ZYG11A: variants seen among roughly 807,000 people sequenced by gnomAD.
ZYG11A encodes protein zyg-11 homolog A.
Under a neutral mutation model 77.2 loss-of-function variants are expected in ZYG11A, and 62 were observed. The ratio of observed to expected loss-of-function variants is 0.80; its 90% CI spans 0.65 to 0.99. The LOEUF (loss-of-function observed/expected upper bound fraction) is 0.99. Ranked by LOEUF, ZYG11A falls within the 50% of genes least tolerant of loss-of-function variation. The probability of loss-of-function intolerance (pLI) is 0.00; values close to 1 mark genes in which losing one functional copy is unlikely to be tolerated. For missense variants in ZYG11A, 828 were observed against 896.8 expected (o/e 0.92, Z 0.98); for synonymous variants, 315 against 324.6 (o/e 0.97, Z 0.32).
intron 8 of ZYG11A, among the ~76,000 whole-genome samples, chr1:52,869,805 T>C (rs1646107224): frequency 6.7e-6 from 1 of 148,182 alleles, no homozygotes; most frequent in South Asian, 2.2e-4. Context: ...GGCTCCTCAC[T>C]TCCCAGTAGG....
intron 5 of ZYG11A, among the ~76,000 whole-genome samples, chr1:52,865,608 A>C (rs776934322): frequency 6.6e-6 from 1 of 152,222 alleles, no homozygotes; most frequent in Non-Finnish European, 1.5e-5. Context: ...TAATAAATCT[A>C]TTTAGGGAAA....
In ZYG11A at chr1:52,892,934, A is replaced by C. The variant is rs534688897; in HGVS notation, c.2257A>C (p.Thr753Pro). The C allele has an allele frequency of 7.7e-5, 119 of 1,551,732 alleles. No individual in the cohort carries two copies. In the African/African-American group the frequency reaches 1.3e-3, roughly 17 times the overall value. ...RMHFMNYQRP[T>P]LCQMPF ...GCATTTCATGAATTATCAGAGGCCCACTCTGTGTCAAATGCCCTTCTGAAC... is the reference window on the plus strand; with the variant it reads ...GCATTTCATGAATTATCAGAGGCCCCCTCTGTGTCAAATGCCCTTCTGAAC... Residue 753 changes from threonine to proline, a missense_variant, in exon 14 of 14, where the codon ACT (threonine) becomes CCT (proline). Physicochemically the swap from Thr to Pro is conservative, Grantham distance 38. Transcript: ENST00000371528.
chr1:52,845,431 G>T (rs932917888), intron 1 of ZYG11A, among the ~76,000 whole-genome samples: 1 of 151,080 alleles, frequency 6.6e-6, no homozygotes, highest in Non-Finnish European at 1.5e-5. Context: ...TCAGCCTCCT[G>T]AGTAGCTGGG....
At chr1:52,864,592 T>C (rs1165337005) in intron 5 of ZYG11A, among the ~76,000 whole-genome samples, 1 of 152,176 alleles carries the variant, frequency 6.6e-6, no homozygotes, top group East Asian at 1.9e-4. Flanking sequence ...AGAGAATAGA[T>C]AAAAGAGTGT....
Position 52,854,599 on chromosome 1 carries a change from C to T in ZYG11A, c.225C>T (p.Ala75=), listed in dbSNP as rs1474354592. The T allele has an allele frequency of 1.9e-6, 3 of 1,545,924 alleles. No individual in the cohort carries two copies. The highest frequency in any genetic ancestry group is 1.7e-4 in the Middle Eastern group (1 of 5,994). The change falls in exon 2 of 14, where the codon GCC becomes GCT. Residue 75 remains alanine (A), a synonymous_variant. Transcript: ENST00000371528. ...ATTGGAGTTTCCCTCAGGAAGTAGC[C>T]GAGCGATTTCTCAGGGTGATGACTT... ...PEHWSFPQEV[A]ERFLRVMTWQ... is the part of the protein sequence containing the mutation.
At position 52,867,579 on chromosome 1, in the gene ZYG11A, C is replaced by T; in HGVS notation, c.1432C>T (p.His478Tyr). The T allele has an allele frequency of 6.4e-7, 1 of 1,552,222 alleles. No individual in the cohort carries two copies. Among genetic ancestry groups the T allele is most frequent in the Non-Finnish European group, 8.7e-7 (1 of 1,147,058 alleles). The change falls in exon 7 of 14, where the codon CAT becomes TAT. Residue 478 changes from histidine (H) to tyrosine (Y), a missense_variant. His to Tyr is a moderately conservative substitution (Grantham distance 83, BLOSUM62 2). Coordinates refer to ENST00000371528, the MANE Select transcript of ZYG11A (RefSeq NM_001004339.3). ...AKFVMRWLCK[H>Y]ENPKMQTMAV... ...GTTTGTCATGAGATGGCTCTGTAAG[C>T]ATGAAAACCCCAAGATGCAAACAAT... is the stretch of plus-strand genomic sequence containing the variant.
intron 2 of ZYG11A, among the ~76,000 whole-genome samples, chr1:52,856,633 C>G (rs1645818095): frequency 6.6e-6 from 1 of 151,990 alleles, no homozygotes; most frequent in Non-Finnish European, 1.5e-5. Context: ...CTGTACTTAT[C>G]TACCTATTTT....
At chr1:52,846,350 A>C (rs1202100425) in intron 1 of ZYG11A, among the ~76,000 whole-genome samples, 10 of 104,550 alleles carry the variant, frequency 9.6e-5, no homozygotes, top group African/African-American at 4.4e-4. Flanking sequence ...ATATATATAT[A>C]TATATATATA....
At chr1:52,877,899 C>A (rs1646290199) in intron 9 of ZYG11A, 26 bp from the exon 10 acceptor site, 3 of 1,551,396 alleles carry the variant, frequency 1.9e-6, no homozygotes, top group Non-Finnish European at 2.6e-6. Flanking sequence ...GATAAAGTAA[C>A]CTGTATGTAT....
In ZYG11A at chr1:52,866,546, T is replaced by C; in HGVS notation, c.1370T>C (p.Leu457Pro). 4 of 1,544,136 alleles carry C rather than the reference T, an allele frequency of 2.6e-6. No homozygotes were observed. The highest frequency in any genetic ancestry group is 3.5e-6 in the Non-Finnish European group (4 of 1,140,466). Reference protein sequence around the residue: ...CLLSLTNSRILVDVPFDRFDA... With the variant: ...CLLSLTNSRIPVDVPFDRFDA... ...CTCTCCTTAACCAATTCCAGGATTC[T>C]TGTGGATGTTCCATTTGACAGGCAA... Residue 457 changes from leucine to proline, a missense_variant, in exon 6 of 14, where the codon CTT becomes CCT. Coordinates refer to ENST00000371528, the MANE Select transcript of ZYG11A (RefSeq NM_001004339.3).
chr1:52,853,896 C>G (rs111701321), intron 1 of ZYG11A, among the ~76,000 whole-genome samples: 2 of 151,892 alleles, frequency 1.3e-5, no homozygotes, highest in African/African-American at 4.8e-5. Context: ...ATAGTGAGAC[C>G]CTGTTTCAAA....
In ZYG11A at chr1:52,846,310, T is replaced by TTATA. The variant is rs869093943; in HGVS notation, c.90+3391_90+3394dup. On this transcript the variant is annotated intron_variant, in intron 1 of 13. Coordinates refer to ENST00000371528, the MANE Select transcript of ZYG11A (RefSeq NM_001004339.3). Reference sequence around the variant, plus strand: ...TTGGAAATCATGGCTTTTTAAATTTTTATATATATATATATATATATATAT... The same window carrying TTATA: ...TTGGAAATCATGGCTTTTTAAATTTTTATATATATATATATATATATATATATAT... Among the ~76,000 whole-genome samples the TTATA allele has an allele frequency of 3.9e-3, 140 of 35,502 alleles. 2 individuals are homozygous for TTATA. The highest frequency in any genetic ancestry group is 7.3e-3 in the Non-Finnish European group (94 of 12,896). 23.3% of individuals were successfully genotyped at this position (35,502 alleles called of 152,430 possible).
Position 52,857,334 on chromosome 1 carries a change from T to G in ZYG11A, c.593T>G (p.Leu198Arg). 6.4e-7 allele frequency: 1 copy of G among 1,551,898 alleles called. No homozygotes were observed. Among genetic ancestry groups the G allele is most frequent in the Non-Finnish European group, 8.7e-7 (1 of 1,147,022 alleles). Residue 198 changes from leucine to arginine, a missense_variant, in exon 3 of 14, where the codon CTG (leucine) becomes CGG (arginine). Coordinates refer to ENST00000371528, the MANE Select transcript of ZYG11A (RefSeq NM_001004339.3). ...AATGTTTGTTTTCATACTGAAGACC[T>G]GGCTAATGTTTCTCAGTTACCAAGA... ...VFNVCFHTED[L>R]ANVSQLPRLE... is the part of the protein sequence containing the mutation.
chr1:52,867,970 T>C lies in ZYG11A; in HGVS notation c.1542+193T>C, dbSNP rs1052067668. Among the ~76,000 whole-genome samples, 38 of 139,734 alleles carry C rather than the reference T, an allele frequency of 2.7e-4. 1 individual carries two copies. Among genetic ancestry groups the C allele is most frequent in the African/African-American group, 9.3e-4 (34 of 36,626 alleles). The allele number at this position is 139,734 out of a possible 152,430, so 91.7% of individuals were successfully genotyped here. ...TACCTCCACATTTCTTTTTTTTTTT[T>C]TTTTTTTTTTTTTTGAGACAGAGTC... On this transcript the variant is annotated intron_variant, in intron 8 of 13. Coordinates refer to ENST00000371528, the MANE Select transcript of ZYG11A (RefSeq NM_001004339.3).
Position 52,867,569 on chromosome 1 carries a change from G to T in ZYG11A, c.1422G>T (p.Trp474Cys), listed in dbSNP as rs1177059300. ...ATGCTGCCAAGTTTGTCATGAGATG[G>T]CTCTGTAAGCATGAAAACCCCAAGA... ...RFDAAKFVMR[W>C]LCKHENPKMQ... is the part of the protein sequence containing the mutation. Residue 474 changes from tryptophan to cysteine, a missense_variant, in exon 7 of 14, where the codon TGG becomes TGT. Coordinates refer to ENST00000371528, the MANE Select transcript of ZYG11A (RefSeq NM_001004339.3). The T allele has an allele frequency of 6.4e-6, 10 of 1,552,094 alleles. No homozygotes were observed. In the South Asian group the frequency reaches 1.2e-4, roughly 18 times the overall value.
intron 3 of ZYG11A, among the ~76,000 whole-genome samples, chr1:52,859,182 T>G (rs11206036): frequency 0.013 from 1,970 of 152,158 alleles, 27 homozygotes; most frequent in African/African-American, 0.03. Context: ...AAATTTTTTT[T>G]GGGACAGTCG....
Position 52,867,851 on chromosome 1 carries a change from C to A in ZYG11A, c.1542+74C>A, listed in dbSNP as rs1646055379. The A allele has an allele frequency of 6.3e-6, 8 of 1,269,068 alleles. No homozygotes were observed. The South Asian group carries it at 8.2e-5, about 13-fold the overall frequency. 78.6% of individuals were successfully genotyped at this position (1,269,068 alleles called of 1,614,324 possible). ...TATGATTATAGCTTAAAAAAAAAAT[C>A]AAATCATTCCAAAAGGCCTATTAAG... On this transcript the variant is annotated intron_variant, in intron 8 of 13. Coordinates refer to ENST00000371528, the MANE Select transcript of ZYG11A (RefSeq NM_001004339.3).
At chr1:52,883,749 G>A (rs963773904) in intron 11 of ZYG11A, among the ~76,000 whole-genome samples, 10 of 151,870 alleles carry the variant, frequency 6.6e-5, no homozygotes, top group East Asian at 1.9e-4. Context: ...TTTCCTGTTC[G>A]TCCAAGGCTA....
chr1:52,862,076 G>T (rs1037938293), intron 4 of ZYG11A, among the ~76,000 whole-genome samples: 1 of 151,662 alleles, frequency 6.6e-6, no homozygotes, highest in Admixed American at 6.6e-5. Context: ...AGGCGTGGTG[G>T]CAGGTGCCTG....
Sources: gnomAD v4.1 joint callset for allele counts (sites outside exome capture counted in the v4.1 genomes callset) on GRCh38, gnomAD v4.1.1 for gene constraint, MANE v1.5 for transcripts, NCBI Gene and HGNC (gene_info 2026-07-23, HGNC 2026-07-21) for gene names.